The following TMEM135 variants were observed in gnomAD, a reference collection of about 807,000 sequenced individuals.
TMEM135 encodes the protein transmembrane protein 135, also known as peroxisomal membrane protein 52.
In TMEM135, 30 loss-of-function variants were observed where a neutral mutation model predicts 60.3. That is an observed-to-expected ratio of 0.50 (90% CI 0.37 to 0.68). The LOEUF is 0.68. TMEM135 is among the 30% of genes least tolerant of loss of function. TMEM135 has a pLI of 0.00. For synonymous variants in TMEM135, 190 were observed against 186.7 expected, an observed-to-expected ratio of 1.02 and a Z score of -0.14; for missense variants, 468 against 548.8, an observed-to-expected ratio of 0.85 and a Z score of 1.47.
chr11:87,295,512 C>T (rs1045362603), intron 6 of TMEM135, among the ~76,000 whole-genome samples: 19 of 152,088 alleles, frequency 1.2e-4, no homozygotes, highest in African/African-American at 4.6e-4. Context: ...CCAGATGGAG[C>T]CCTTAGATTT....
chr11:87,274,592 G>A (rs1941932879), intron 6 of TMEM135, among the ~76,000 whole-genome samples: 1 of 152,182 alleles, frequency 6.6e-6, no homozygotes, highest in Admixed American at 6.5e-5. Flanking sequence ...CTTAGTAGGA[G>A]TGAATGAACT....
intron 6 of TMEM135, among the ~76,000 whole-genome samples, chr11:87,276,641 A>G (rs1941971707): frequency 6.7e-6 from 1 of 149,802 alleles, no homozygotes; most frequent in South Asian, 2.1e-4. Flanking sequence ...AAGTTATACA[A>G]AACTTCTTTT....
At chr11:87,236,059 A>G (rs1389271243) in intron 5 of TMEM135, among the ~76,000 whole-genome samples, 3 of 152,094 alleles carry the variant, frequency 2.0e-5, no homozygotes, top group Admixed American at 6.6e-5. Flanking sequence ...AACTGATTAT[A>G]CAAAAGCTGT....
At chr11:87,227,441 A>T (rs1435696908) in intron 5 of TMEM135, among the ~76,000 whole-genome samples, 1 of 152,148 alleles carries the variant, frequency 6.6e-6, no homozygotes, top group East Asian at 1.9e-4. Flanking sequence ...CTAGTCTGGC[A>T]TTTTTGGCTC....
intron 5 of TMEM135, among the ~76,000 whole-genome samples, chr11:87,159,039 T>G (rs756321904): frequency 1.2e-4 from 18 of 152,192 alleles, no homozygotes; most frequent in Non-Finnish European, 2.4e-4. Context: ...GCTGTATAAG[T>G]AATCACCTGA....
At chr11:87,091,455 G>A (rs1857202563) in intron 4 of TMEM135, 60 bp downstream of exon 4, 2 of 1,549,950 alleles carry the variant, frequency 1.3e-6, no homozygotes, top group African/African-American at 1.4e-5. Flanking sequence ...TTAAAATCAA[G>A]TTTTCTTAAA....
intron 5 of TMEM135, among the ~76,000 whole-genome samples, chr11:87,215,119 C>G (rs1351941483): frequency 6.6e-6 from 1 of 151,992 alleles, no homozygotes; most frequent in African/African-American, 2.4e-5. Context: ...TTAGAACATA[C>G]TAAACAACTT....
intron 6 of TMEM135, among the ~76,000 whole-genome samples, chr11:87,264,165 A>C (rs1029370203): frequency 1.3e-5 from 2 of 152,042 alleles, no homozygotes. Flanking sequence ...AAATTCCTTT[A>C]TTGTGACTAG....
intron 6 of TMEM135, among the ~76,000 whole-genome samples, chr11:87,264,592 T>C (rs1941714804): frequency 6.6e-6 from 1 of 151,916 alleles, no homozygotes; most frequent in African/African-American, 2.4e-5. Flanking sequence ...ATGAAATGTA[T>C]TCAGATATGT....
intron 4 of TMEM135, chr11:87,094,865 A>G (rs1490777267): frequency 1.2e-5 from 2 of 162,886 alleles, no homozygotes; most frequent in South Asian, 1.8e-4. Flanking sequence ...GAAAGATGGT[A>G]TAATCCATTC....
At chr11:87,218,687 C>T (rs950559250) in intron 5 of TMEM135, among the ~76,000 whole-genome samples, 10 of 152,196 alleles carry the variant, frequency 6.6e-5, no homozygotes, top group African/African-American at 2.2e-4. Flanking sequence ...GTAGGCTGGG[C>T]GCGGTGGCTC....
At chr11:87,202,803 C>G (rs371110811) in intron 5 of TMEM135, among the ~76,000 whole-genome samples, 1 of 149,988 alleles carries the variant, frequency 6.7e-6, no homozygotes, top group Non-Finnish European at 1.5e-5. Context: ...GAGGCCGAGG[C>G]GGGCGGATCA....
At chr11:87,130,358 C>T (rs1327221055) in intron 4 of TMEM135, among the ~76,000 whole-genome samples, 2 of 152,098 alleles carry the variant, frequency 1.3e-5, no homozygotes, top group South Asian at 2.1e-4. Flanking sequence ...AAAATTTCAT[C>T]TTTCTACTGT....
chr11:87,097,189 G>T (rs1857350276), intron 4 of TMEM135, among the ~76,000 whole-genome samples: 1 of 152,038 alleles, frequency 6.6e-6, no homozygotes, highest in Non-Finnish European at 1.5e-5. Flanking sequence ...TACAGACGGG[G>T]TTTCACCATG....
intron 3 of TMEM135, among the ~76,000 whole-genome samples, chr11:87,088,147 G>A (rs1857135858): frequency 6.6e-6 from 1 of 152,094 alleles, no homozygotes. Context: ...TGGGGCTCCT[G>A]GACCTGATAG....
intron 5 of TMEM135, among the ~76,000 whole-genome samples, chr11:87,191,003 T>G (rs1423391513): frequency 6.6e-6 from 1 of 152,224 alleles, no homozygotes; most frequent in Admixed American, 6.5e-5. Flanking sequence ...GTTTACTAAT[T>G]TGCAACATAG....
intron 5 of TMEM135, among the ~76,000 whole-genome samples, chr11:87,187,899 G>A (rs1274639380): frequency 6.6e-6 from 1 of 152,110 alleles, no homozygotes; most frequent in African/African-American, 2.4e-5. Context: ...CTGTTTATTT[G>A]CCAGTCTTTC....
intron 1 of TMEM135, among the ~76,000 whole-genome samples, chr11:87,040,279 C>G (rs967413688): frequency 6.6e-6 from 1 of 152,162 alleles, no homozygotes; most frequent in Non-Finnish European, 1.5e-5. Context: ...TATAGCTGTT[C>G]TCTTTGTGAG....
At position 87,084,322 on chromosome 11, in the gene TMEM135, T is replaced by C. The variant is rs902342493; in HGVS notation, c.363-7040T>C. 4.5e-4 allele frequency among the ~76,000 whole-genome samples: 68 copies of C among 152,174 alleles called. 1 individual carries two copies. The highest frequency in any genetic ancestry group is 8.2e-4 in the Non-Finnish European group (56 of 68,028). ...TCCTGTAGCAGTGGTTCTTTTTTTT[T>C]TTTTGAGACAGAGTTTCACTTGTCA... On this transcript the variant is annotated intron_variant, in intron 3 of 14. Coordinates refer to ENST00000305494, the MANE Select transcript of TMEM135 (RefSeq NM_022918.4).
Sources: allele counts gnomAD v4.1 joint callset (sites outside exome capture counted in the v4.1 genomes callset), GRCh38; gene constraint gnomAD v4.1.1; transcripts MANE v1.5; gene names NCBI Gene and HGNC (gene_info 2026-07-23, HGNC 2026-07-21).